Variants in IL4I1 observed in about 807,000 individuals in gnomAD.
IL4I1 encodes interleukin 4 induced 1.
IL4I1 carries 24 observed loss-of-function variants against 29.7 expected under a neutral mutation model. That is an observed-to-expected ratio of 0.81 (90% CI 0.59 to 1.14). The LOEUF is 1.14. Among genes scored for constraint, IL4I1 ranks in the 50% most tolerant of loss-of-function variants. The pLI is 0.00. For synonymous variants in IL4I1, 371 were observed against 352.5 expected (o/e 1.05, Z -0.59); for missense variants, 686 against 785.6 (o/e 0.87, Z 1.52).
intron 2 of IL4I1, among the ~76,000 whole-genome samples, chr19:49,926,723 A>G (rs1487346276): frequency 6.6e-6 from 1 of 152,192 alleles, no homozygotes; most frequent in African/African-American, 2.4e-5. Flanking sequence ...ATGGAATGAG[A>G]ACACATCCAC....
At chr19:49,907,541 T>TC (rs1568695753) in intron 2 of IL4I1, 2 of 269,192 alleles carry the variant, frequency 7.4e-6, no homozygotes, top group African/African-American at 4.8e-5. Context: ...GAGTTTCTTT[T>TC]TTTTTTTTTT....
upstream of IL4I1, among the ~76,000 whole-genome samples, chr19:49,897,474 TGA>T (rs1491017255): frequency 1.2e-4 from 13 of 108,214 alleles, no homozygotes. Context: ...AGCTGTCAAA[TGA>T]CGTCTACAGA....
In IL4I1 at chr19:49,890,537, C is replaced by T. The variant is rs2075119844; in HGVS notation, c.837G>A (p.Gly279=). The T allele has an allele frequency of 3.1e-6, 5 of 1,605,010 alleles. No homozygotes were observed. The highest frequency in any genetic ancestry group is 8.5e-7 in the Non-Finnish European group (1 of 1,177,344). Residue 279 remains glycine, a synonymous_variant, in exon 8 of 8, where the codon GGG becomes GGA. Transcript: ENST00000391826. The part of the protein sequence containing the change: ...LPRALLSSLS[G]LVLLNAPVVA... ...CCACGGGCGCGTTCAACAGCACAAG[C>T]CCGGACAGCGAGCTCAGCAGCGCGC...
rs562135513 is a variant in IL4I1 at position 49,915,094 on chromosome 19, C to T, written c.-227-10773G>A. ...AGGAGTCTGTGCCTGGGAAAGAATA[C>T]AGGAGACCTCAGCTTTGGACCAAAA... On this transcript the variant is annotated intron_variant, in intron 2 of 9. Transcript: ENST00000341114. 1.3e-3 allele frequency among the ~76,000 whole-genome samples: 198 copies of T among 152,036 alleles called. 1 individual carries two copies. Among genetic ancestry groups the T allele is most frequent in the African/African-American group, 4.6e-3 (189 of 41,448 alleles).
intron 2 of IL4I1, among the ~76,000 whole-genome samples, chr19:49,922,917 C>T (rs1308720000): frequency 6.6e-6 from 1 of 152,164 alleles, no homozygotes. Flanking sequence ...CCTGCCCCTC[C>T]ACACTGCCCC....
At chr19:49,907,507 G>A (rs370422917) in intron 2 of IL4I1, 109 of 439,108 alleles carry the variant, frequency 2.5e-4, no homozygotes, top group African/African-American at 2.1e-3. Context: ...GCTCACACTC[G>A]AAAACTAGGC....
chr19:49,903,381 G>A (rs1371656828), intron 3 of IL4I1, among the ~76,000 whole-genome samples: 4 of 152,160 alleles, frequency 2.6e-5, no homozygotes, highest in South Asian at 4.1e-4. Context: ...GGACAAGGGC[G>A]CCCATGTGGG....
intron 2 of IL4I1, chr19:49,911,520 T>C (rs1288479876): frequency 6.6e-6 from 1 of 152,226 alleles, no homozygotes; most frequent in East Asian, 1.9e-4. Flanking sequence ...CCCTTCCAGC[T>C]TGAGTAAGAG....
At chr19:49,896,335 C>T (rs1354169146) in intron 1 of IL4I1, among the ~76,000 whole-genome samples, 153 bp from the exon 2 acceptor site, 1 of 152,022 alleles carries the variant, frequency 6.6e-6, no homozygotes, top group East Asian at 1.9e-4. Context: ...CCCATTCCTT[C>T]AGAGTCCCCT....
At chr19:49,918,898 G>GC in intron 2 of IL4I1, among the ~76,000 whole-genome samples, 1 of 71,318 alleles carries the variant, frequency 1.4e-5, no homozygotes, top group African/African-American at 5.3e-5. Context: ...GGGAGGCTGG[G>GC]GGGGGGGGGG....
chr19:49,901,670 A>G (rs1388616108), upstream of IL4I1: 6 of 1,537,274 alleles, frequency 3.9e-6, no homozygotes, highest in Admixed American at 1.2e-4. Flanking sequence ...CTCTCTCAGC[A>G]CCCATGGCCT....
At chr19:49,909,930 C>A (rs1284853100) in intron 2 of IL4I1, 1 of 1,031,232 alleles carries the variant, frequency 9.7e-7, no homozygotes, top group Admixed American at 2.0e-5. Flanking sequence ...TTTGGAAAGG[C>A]AAGCTCAGTG....
intron 2 of IL4I1, among the ~76,000 whole-genome samples, chr19:49,918,072 C>T (rs1197727703): frequency 2.0e-5 from 3 of 149,326 alleles, no homozygotes; most frequent in Non-Finnish European, 4.4e-5. Flanking sequence ...GTCTGCTTTC[C>T]TTTTTCTTTT....
rs1460972286 is a variant in IL4I1, at chr19:49,911,270, C to G, written c.-227-6949G>C. ...GAAAGCTTGTGGTGACACGAGCAGA[C>G]TGGAGTGATGCGCTTTGGAATCTGA... On this transcript the variant is annotated intron_variant, in intron 2 of 9. Coordinates refer to the IL4I1 transcript ENST00000341114. 3 of 152,148 alleles carry G rather than the reference C, an allele frequency of 2.0e-5. No individual in the cohort carries two copies. In the East Asian group the frequency reaches 5.8e-4, roughly 29 times the overall value. 9.4% of individuals were successfully genotyped at this position (152,148 alleles called of 1,614,324 possible).
At chr19:49,890,662 C>T in intron 7 of IL4I1, 62 bp from the exon 8 acceptor site, 1 of 1,385,574 alleles carries the variant, frequency 7.2e-7, no homozygotes, top group Non-Finnish European at 9.5e-7. Flanking sequence ...GCCCCTCTGC[C>T]TTGCCCCACC....
chr19:49,926,006 C>T (rs924429817), intron 2 of IL4I1, among the ~76,000 whole-genome samples: 3 of 151,880 alleles, frequency 2.0e-5, no homozygotes, highest in South Asian at 2.1e-4. Flanking sequence ...GTCATGAGTT[C>T]GAGACCAGCC....
At chr19:49,898,104 T>G (rs1405576214), upstream of IL4I1, among the ~76,000 whole-genome samples, 1 of 152,188 alleles carries the variant, frequency 6.6e-6, no homozygotes, top group African/African-American at 2.4e-5. Context: ...GCGGATCACC[T>G]GATGTCAGGA....
chr19:49,895,225 C>G, intron 3 of IL4I1, 45 bp from the exon 4 acceptor site: 1 of 1,508,884 alleles, frequency 6.6e-7, no homozygotes, highest in South Asian at 1.1e-5. Context: ...GCTCCACCCA[C>G]TGACCATCCC....
At chr19:49,918,916 T>TGGGG (rs1312547282) in intron 2 of IL4I1, among the ~76,000 whole-genome samples, 1 of 25,194 alleles carries the variant, frequency 4.0e-5, no homozygotes, top group Non-Finnish European at 8.3e-5. Context: ...GGGCGGGGTG[T>TGGGG]GGGGGGGCGG....
Sources: gnomAD v4.1 joint callset for allele counts (sites outside exome capture counted in the v4.1 genomes callset) on GRCh38, gnomAD v4.1.1 for gene constraint, MANE v1.5 for transcripts, NCBI Gene and HGNC (gene_info 2026-07-23, HGNC 2026-07-21) for gene names.